The following YWHAG variants were observed in gnomAD, a reference collection of about 807,000 sequenced individuals.
YWHAG encodes 14-3-3 protein gamma.
Under a neutral mutation model 23.3 loss-of-function variants are expected in YWHAG, and 1 was observed. The observed-to-expected ratio is 0.04, with a 90% CI of 0.02 to 0.20. The LOEUF is 0.20. Ranked by LOEUF, YWHAG falls within the 10% of genes least tolerant of loss-of-function variation. YWHAG has a pLI of 1.00. For missense variants in YWHAG, 151 were observed against 338.6 expected (o/e 0.45, Z 4.35); for synonymous variants, 160 against 144.0 (o/e 1.11, Z -0.80).
chr7:76,340,126 A>C (rs998630961), intron 1 of YWHAG, among the ~76,000 whole-genome samples: 1 of 152,120 alleles, frequency 6.6e-6, no homozygotes, highest in African/African-American at 2.4e-5. Flanking sequence ...ACACACAAAC[A>C]AAAAACAAAC....
intron 1 of YWHAG, among the ~76,000 whole-genome samples, chr7:76,352,652 CTT>C (rs749657866): frequency 6.2e-5 from 9 of 144,942 alleles, no homozygotes; most frequent in Non-Finnish European, 1.1e-4. Flanking sequence ...ACAACCAAAA[CTT>C]TTTTTTTTTT....
intron 1 of YWHAG, among the ~76,000 whole-genome samples, chr7:76,349,123 A>G (rs1431476005): frequency 6.6e-6 from 1 of 151,978 alleles, no homozygotes; most frequent in African/African-American, 2.4e-5. Context: ...TAGGTGGATC[A>G]CGAGGTCAGA....
At chr7:76,333,533 T>C (rs1008644192) in intron 1 of YWHAG, among the ~76,000 whole-genome samples, 6 of 152,238 alleles carry the variant, frequency 3.9e-5, no homozygotes, top group African/African-American at 1.4e-4. Flanking sequence ...TCCCAGCTCA[T>C]CTTCCTGTAT....
intron 1 of YWHAG, among the ~76,000 whole-genome samples, chr7:76,336,571 C>T (rs1476627877): frequency 6.6e-6 from 1 of 150,812 alleles, no homozygotes; most frequent in Non-Finnish European, 1.5e-5. Context: ...TCTCGTGCCT[C>T]AGCCTCCAAA....
chr7:76,345,709 G>A (rs1004125247), intron 1 of YWHAG, among the ~76,000 whole-genome samples: 8 of 151,970 alleles, frequency 5.3e-5, no homozygotes, highest in East Asian at 2.0e-4. Flanking sequence ...TTGGGAGGCC[G>A]AAGTGGCCGG....
chr7:76,348,679 C>T (rs1803824394), intron 1 of YWHAG, among the ~76,000 whole-genome samples: 1 of 151,994 alleles, frequency 6.6e-6, no homozygotes, highest in South Asian at 2.1e-4. Context: ...GCTGGGATTA[C>T]AGGTGTGAGC....
In YWHAG at chr7:76,329,870, C is replaced by T. The variant is rs1389455796; in HGVS notation, c.451G>A (p.Glu151Lys). The T allele has an allele frequency of 4.3e-6, 7 of 1,613,822 alleles. No individual in the cohort carries two copies. The highest frequency in any genetic ancestry group is 5.9e-6 in the Non-Finnish European group (7 of 1,179,984). The change falls in exon 2 of 2, where the codon GAG becomes AAG. Residue 151 changes from glutamate to lysine, a missense_variant. Transcript: ENST00000307630. The surrounding 1 kb of genome is among the most constrained non-coding windows in gnomAD (Gnocchi z 6.1). ...TCGTGGGCTTCGCTGTAGGCCTTCTCGGAGGACTCCACCACCGTCGCCCTT... is the reference window on the plus strand; with the variant it reads ...TCGTGGGCTTCGCTGTAGGCCTTCTTGGAGGACTCCACCACCGTCGCCCTT... ...EKRATVVESS[E>K]KAYSEAHEIS...
chr7:76,355,094 T>G (rs1456290469), intron 1 of YWHAG, among the ~76,000 whole-genome samples: 2 of 152,228 alleles, frequency 1.3e-5, no homozygotes, highest in Non-Finnish European at 2.9e-5. Flanking sequence ...CCGGCATCAC[T>G]TTTTAAAAAT....
intron 1 of YWHAG, among the ~76,000 whole-genome samples, chr7:76,348,289 T>C (rs78193114): frequency 1.4e-4 from 20 of 143,412 alleles, no homozygotes; most frequent in Non-Finnish European, 1.9e-4. Flanking sequence ...TTTTTGGAGA[T>C]AGCGTGTCGC....
chr7:76,350,841 CAAAAA>C (rs202225185), intron 1 of YWHAG, among the ~76,000 whole-genome samples: 1 of 150,868 alleles, frequency 6.6e-6, no homozygotes, highest in Non-Finnish European at 1.5e-5. Flanking sequence ...AAGACTGTCT[CAAAAA>C]AAAGAAAAGA....
intron 1 of YWHAG, 106 bp from the exon 2 acceptor site, chr7:76,330,339 A>G: frequency 8.2e-7 from 1 of 1,223,552 alleles, no homozygotes; most frequent in Non-Finnish European, 1.1e-6. Flanking sequence ...CATGATGAAC[A>G]GAAGGAAATT....
intron 1 of YWHAG, among the ~76,000 whole-genome samples, chr7:76,337,724 G>A (rs962396272): frequency 5.9e-5 from 9 of 151,942 alleles, no homozygotes; most frequent in Non-Finnish European, 1.0e-4. Flanking sequence ...TAGTAGAGAC[G>A]GGGTTTCACC....
At position 76,327,029 on chromosome 7, in the gene YWHAG, C is replaced by A. The variant is rs1803452564; in HGVS notation, c.*2548G>T. The A allele has an allele frequency of 6.6e-6, 1 of 152,588 alleles. No individual in the cohort carries two copies. Among genetic ancestry groups the A allele is most frequent in the Non-Finnish European group, 1.5e-5 (1 of 68,026 alleles). 9.5% of individuals were successfully genotyped at this position (152,588 alleles called of 1,614,324 possible). On this transcript the variant is annotated 3_prime_UTR_variant, in exon 2 of 2. Coordinates refer to ENST00000307630, the MANE Select transcript of YWHAG (RefSeq NM_012479.4). ...AGAACATATTTGTTGTTCTCCAACA[C>A]TGTAATAGTTATAATTTCACCATGA...
In YWHAG at chr7:76,352,557, G is replaced by T. The variant is rs144567400; in HGVS notation, c.87+6165C>A. ...CAGGTACCCTTCCAAAGGTTAAGAA[G>T]CCCAAGAGTTTATTTGGAATAATTT... On this transcript the variant is annotated intron_variant, in intron 1 of 1. Transcript: ENST00000307630. Among the ~76,000 whole-genome samples the T allele has an allele frequency of 5.3e-5, 8 of 152,204 alleles. No homozygotes were observed. In the East Asian group the frequency reaches 1.5e-3, roughly 29 times the overall value.
chr7:76,342,980 T>C (rs1334481069), intron 1 of YWHAG, among the ~76,000 whole-genome samples: 1 of 151,948 alleles, frequency 6.6e-6, no homozygotes, highest in African/African-American at 2.4e-5. Flanking sequence ...CTACTAAAAA[T>C]ACAAAAATTA....
chr7:76,332,769 T>C (rs1339251886), intron 1 of YWHAG, among the ~76,000 whole-genome samples: 1 of 150,912 alleles, frequency 6.6e-6, no homozygotes, highest in Non-Finnish European at 1.5e-5. Context: ...TGCAATGGCA[T>C]GATGTCGGCT....
rs1241212743 is a variant in YWHAG, at chr7:76,328,200, A to G, written c.*1377T>C. The G allele has an allele frequency of 3.9e-5, 6 of 152,170 alleles. No homozygotes were observed. Among genetic ancestry groups the G allele is most frequent in the Non-Finnish European group, 7.3e-5 (5 of 68,042 alleles). 9.4% of individuals were successfully genotyped at this position (152,170 alleles called of 1,614,324 possible). On this transcript the variant is annotated 3_prime_UTR_variant, in exon 2 of 2. Coordinates refer to ENST00000307630, the MANE Select transcript of YWHAG (RefSeq NM_012479.4). ...CGAAAACAAATGGGTGGAAATAGCA[A>G]CGTTGTTTCCGTCAATTCCAAATGT... is the stretch of plus-strand genomic sequence containing the variant.
At chr7:76,332,023 T>C (rs533800238) in intron 1 of YWHAG, among the ~76,000 whole-genome samples, 3 of 152,282 alleles carry the variant, frequency 2.0e-5, no homozygotes, top group Non-Finnish European at 4.4e-5. Context: ...TGCTACACGC[T>C]CAAATATTCT....
intron 1 of YWHAG, 112 bp from the exon 2 acceptor site, chr7:76,330,345 A>G: frequency 8.4e-7 from 1 of 1,184,956 alleles, no homozygotes; most frequent in Non-Finnish European, 1.2e-6. Flanking sequence ...GAACAGAAGG[A>G]AATTACTTTG....
Sources: allele counts gnomAD v4.1 joint callset (sites outside exome capture counted in the v4.1 genomes callset), GRCh38; gene constraint gnomAD v4.1.1; non-coding constraint Gnocchi (gnomAD v3.1); transcripts MANE v1.5; gene names NCBI Gene and HGNC (gene_info 2026-07-23, HGNC 2026-07-21).